ZNHIT6: variants seen among roughly 807,000 people sequenced by gnomAD.
The protein encoded by ZNHIT6 is zinc finger HIT-type containing 6, also known as box C/D snoRNA protein 1.
In ZNHIT6, 45 loss-of-function variants were observed where a neutral mutation model predicts 57.2. That is an observed-to-expected ratio of 0.79 (90% CI 0.62 to 1.01). The LOEUF (loss-of-function observed/expected upper bound fraction) is 1.01. ZNHIT6 is among the 50% of genes least tolerant of loss of function. The probability of loss-of-function intolerance (pLI) is 0.00; values close to 1 mark genes in which losing one functional copy is unlikely to be tolerated. For synonymous variants in ZNHIT6, 188 were observed against 190.0 expected (o/e 0.99, Z 0.09); for missense variants, 528 against 567.3 (o/e 0.93, Z 0.70).
intron 5 of ZNHIT6, among the ~76,000 whole-genome samples, chr1:85,692,712 C>A (rs1435577765): frequency 6.6e-5 from 5 of 75,954 alleles, no homozygotes; most frequent in African/African-American, 1.7e-4. Flanking sequence ...TTATAGGATA[C>A]CATGTTAAAA....
intron 9 of ZNHIT6, among the ~76,000 whole-genome samples, chr1:85,656,155 T>C (rs1014258228): frequency 6.6e-6 from 1 of 152,174 alleles, no homozygotes; most frequent in Non-Finnish European, 1.5e-5. Flanking sequence ...ACAGACACCT[T>C]GAAGTACTTA....
chr1:85,680,174 C>A (rs1335716312), intron 6 of ZNHIT6, among the ~76,000 whole-genome samples: 1 of 152,158 alleles, frequency 6.6e-6, no homozygotes, highest in Non-Finnish European at 1.5e-5. Context: ...CCACTGCACT[C>A]CAGCGTGGGC....
intron 8 of ZNHIT6, among the ~76,000 whole-genome samples, chr1:85,669,679 T>C (rs1049554591): frequency 6.6e-6 from 1 of 152,130 alleles, no homozygotes; most frequent in Non-Finnish European, 1.5e-5. Flanking sequence ...CAAGAAAAAT[T>C]CTGGAAGCAA....
chr1:85,695,705 C>G (rs1662348137), intron 5 of ZNHIT6, among the ~76,000 whole-genome samples: 1 of 152,170 alleles, frequency 6.6e-6, no homozygotes, highest in Non-Finnish European at 1.5e-5. Flanking sequence ...TCAACATTAA[C>G]AGCTTCAGTC....
chr1:85,656,067 C>T (rs1046927037), intron 9 of ZNHIT6, among the ~76,000 whole-genome samples: 5 of 152,032 alleles, frequency 3.3e-5, no homozygotes, highest in Non-Finnish European at 7.4e-5. Context: ...AAGAAAATGC[C>T]CTCTTCTTAC....
intron 5 of ZNHIT6, among the ~76,000 whole-genome samples, chr1:85,696,856 T>C (rs975982719): frequency 1.4e-5 from 2 of 145,678 alleles, no homozygotes; most frequent in African/African-American, 5.1e-5. Context: ...TCTATTCTTT[T>C]TTTTTTTTTT....
rs190592896 is a variant in ZNHIT6 at position 85,690,422 on chromosome 1, T to C, written c.1020-9518A>G. 3.5e-4 allele frequency among the ~76,000 whole-genome samples: 54 copies of C among 152,336 alleles called. 1 individual carries two copies. The East Asian group carries it at 0.01, about 29-fold the overall frequency. On this transcript the variant is annotated intron_variant, in intron 5 of 9. Transcript: ENST00000370574. ...CTTTCCCTCTGTCTAGATAAAAACC[T>C]AGAAATAAAAACTATTTCTCATCCT... is the stretch of plus-strand genomic sequence containing the variant.
intron 5 of ZNHIT6, among the ~76,000 whole-genome samples, chr1:85,689,218 C>G (rs1458884805): frequency 6.6e-6 from 1 of 152,154 alleles, no homozygotes; most frequent in African/African-American, 2.4e-5. Flanking sequence ...ATTTTGAACT[C>G]TTCAAGAAAA....
chr1:85,686,071 C>T (rs1662025638), intron 5 of ZNHIT6, among the ~76,000 whole-genome samples: 2 of 151,832 alleles, frequency 1.3e-5, no homozygotes, highest in Admixed American at 1.3e-4. Context: ...ACACCATTCT[C>T]CTGTCTCAGC....
chr1:85,654,240 C>T, intron 9 of ZNHIT6, 142 bp from the exon 10 acceptor site: 1 of 596,236 alleles, frequency 1.7e-6, no homozygotes, highest in South Asian at 2.4e-5. Flanking sequence ...TCCCAGGCAG[C>T]TAGGATATAC....
At chr1:85,669,393 T>C (rs1661488180) in intron 8 of ZNHIT6, among the ~76,000 whole-genome samples, 1 of 152,166 alleles carries the variant, frequency 6.6e-6, no homozygotes, top group Non-Finnish European at 1.5e-5. Flanking sequence ...GAAGGTAAAA[T>C]AGCCTTAGTT....
chr1:85,700,081 T>C (rs1662485811), intron 5 of ZNHIT6, among the ~76,000 whole-genome samples: 1 of 152,190 alleles, frequency 6.6e-6, no homozygotes, highest in African/African-American at 2.4e-5. Context: ...GGAGAAAACA[T>C]GATTAGAAGG....
chr1:85,656,743 T>G (rs1025739378), intron 9 of ZNHIT6, among the ~76,000 whole-genome samples: 1 of 152,176 alleles, frequency 6.6e-6, no homozygotes, highest in Admixed American at 6.5e-5. Context: ...CATAATTTAT[T>G]ATTAGAAACA....
At chr1:85,667,983 T>TATATATATATATATAC (rs1557842283) in intron 8 of ZNHIT6, among the ~76,000 whole-genome samples, 3 of 96,426 alleles carry the variant, frequency 3.1e-5, no homozygotes, top group African/African-American at 1.3e-4. Flanking sequence ...TATATATATA[T>TATATATATATATATAC]ATGCTCTGCT....
intron 9 of ZNHIT6, among the ~76,000 whole-genome samples, chr1:85,656,416 T>C (rs972916873): frequency 1.3e-5 from 2 of 152,102 alleles, no homozygotes; most frequent in Non-Finnish European, 2.9e-5. Flanking sequence ...AGTAAAGTAG[T>C]CTTTTCTTAT....
chr1:85,673,318 T>C (rs968786422), intron 8 of ZNHIT6, among the ~76,000 whole-genome samples: 6 of 152,178 alleles, frequency 3.9e-5, no homozygotes, highest in Non-Finnish European at 8.8e-5. Context: ...TCAGACCCTA[T>C]GTATTCTGGA....
At chr1:85,669,038 G>T (rs1661469551) in intron 8 of ZNHIT6, among the ~76,000 whole-genome samples, 1 of 152,108 alleles carries the variant, frequency 6.6e-6, no homozygotes, top group Non-Finnish European at 1.5e-5. Context: ...TACTAAACCA[G>T]AACCCTAAGA....
intron 8 of ZNHIT6, among the ~76,000 whole-genome samples, chr1:85,662,001 G>C (rs1349705409): frequency 1.3e-5 from 2 of 152,054 alleles, no homozygotes. Context: ...ACGGCTCAGT[G>C]GGCCAAACAG....
rs919663888 is a variant in ZNHIT6, at chr1:85,657,990, C to CA, written c.1248-20dup. On this transcript the variant is annotated intron_variant, in intron 8 of 9. Coordinates refer to ENST00000370574, the MANE Select transcript of ZNHIT6 (RefSeq NM_017953.4). Reference sequence around the variant, plus strand: ...ATAATATCTTATTAATAAAAAAAAACAAAAAACCAGGAAACACTCTTAATA... The same window carrying CA: ...ATAATATCTTATTAATAAAAAAAAACAAAAAAACCAGGAAACACTCTTAATA... 1.2e-5 allele frequency: 16 copies of CA among 1,376,376 alleles called. No homozygotes were observed. Among genetic ancestry groups the CA allele is most frequent in the Non-Finnish European group, 1.5e-5 (15 of 1,014,310 alleles). 85.3% of individuals were successfully genotyped at this position (1,376,376 alleles called of 1,614,324 possible). A position where few individuals can be genotyped will look rare whatever the true frequency, so the allele number is the denominator to read the frequency against.
Sources: allele counts gnomAD v4.1 joint callset (sites outside exome capture counted in the v4.1 genomes callset), GRCh38; gene constraint gnomAD v4.1.1; transcripts MANE v1.5; gene names NCBI Gene and HGNC (gene_info 2026-07-23, HGNC 2026-07-21).